The following RGS3 variants were observed in gnomAD, a reference collection of about 807,000 sequenced individuals.
RGS3 encodes regulator of G-protein signalling 3.
RGS3 carries 80 observed loss-of-function variants against 132.6 expected under a neutral mutation model. The observed-to-expected ratio is 0.60, with a 90% confidence interval of 0.50 to 0.73. The LOEUF is 0.73. Ranked by LOEUF, RGS3 falls within the 30% of genes least tolerant of loss-of-function variation. The probability of loss-of-function intolerance (pLI) is 0.00; values close to 1 mark genes in which losing one functional copy is unlikely to be tolerated. For missense variants in RGS3, 1,382 were observed against 1,530.8 expected, an observed-to-expected ratio of 0.90 and a Z score of 1.62; for synonymous variants, 598 against 620.6, an observed-to-expected ratio of 0.96 and a Z score of 0.54.
chr9:113,554,608 C>T (rs998089323), intron 19 of RGS3, among the ~76,000 whole-genome samples: 12 of 152,196 alleles, frequency 7.9e-5, no homozygotes, highest in Non-Finnish European at 1.3e-4. Flanking sequence ...CGTCCAGCCT[C>T]ATTTTATGTT....
At chr9:113,547,541 G>A (rs778636643) in intron 19 of RGS3, among the ~76,000 whole-genome samples, 16 of 152,120 alleles carry the variant, frequency 1.1e-4, no homozygotes, top group South Asian at 2.1e-4. Flanking sequence ...TCAACTTCAC[G>A]TGTATATAGG....
intron 15 of RGS3, among the ~76,000 whole-genome samples, chr9:113,515,812 C>G (rs1347847612): frequency 6.6e-6 from 1 of 152,236 alleles, no homozygotes; most frequent in Non-Finnish European, 1.5e-5. Context: ...ACCTTTCCCA[C>G]ACCACTAAAT....
In RGS3 at chr9:113,498,016, A is replaced by G. The variant is rs1397616167; in HGVS notation, c.842-9A>G. Reference sequence around the variant, plus strand: ...AGAAGTTTTCTGATTCTGCTCTGTCACCTTCCAGACCCGCTGCTGAGAATG... The same window carrying G: ...AGAAGTTTTCTGATTCTGCTCTGTCGCCTTCCAGACCCGCTGCTGAGAATG... On this transcript the variant is annotated splice_polypyrimidine_tract_variant and intron_variant, in intron 9 of 24. Transcript: ENST00000350696. 1 of 1,613,486 alleles carries G rather than the reference A, an allele frequency of 6.2e-7. No homozygotes were observed. The highest frequency in any genetic ancestry group is 1.7e-5 in the Admixed American group (1 of 59,974).
intron 20 of RGS3, among the ~76,000 whole-genome samples, chr9:113,589,643 G>A (rs901665366): frequency 2.6e-5 from 4 of 152,328 alleles, no homozygotes; most frequent in African/African-American, 9.6e-5. Context: ...CCCACGGGTG[G>A]GGGCCTTGGG....
At chr9:113,446,564 C>A (rs2119132751) in intron 1 of RGS3, among the ~76,000 whole-genome samples, 1 of 152,314 alleles carries the variant, frequency 6.6e-6, no homozygotes, top group South Asian at 2.1e-4. Flanking sequence ...TGAAGAAAAA[C>A]ACATTCCATC....
exon 25 of RGS3, chr9:113,597,049 C>T: frequency 1.8e-6 from 2 of 1,087,526 alleles, no homozygotes; most frequent in South Asian, 1.5e-5. Context: ...GCAAGCAAGC[C>T]CCCAGAGGCT....
chr9:113,451,353 G>A (rs1829240870), intron 1 of RGS3, among the ~76,000 whole-genome samples: 1 of 152,136 alleles, frequency 6.6e-6, no homozygotes, highest in South Asian at 2.1e-4. Context: ...ATCCCTGGAT[G>A]CCATGACCTT....
chr9:113,590,017 T>TG (rs1209014114), intron 20 of RGS3: 2 of 152,136 alleles, frequency 1.3e-5, no homozygotes, highest in African/African-American at 4.8e-5. Context: ...ACAACTCTGG[T>TG]GGGGCAGCAT....
intron 14 of RGS3, 43 bp downstream of exon 12, chr9:113,508,623 C>A: frequency 2.5e-6 from 4 of 1,602,462 alleles, no homozygotes; most frequent in East Asian, 4.5e-5. Context: ...CTCAGAGAGG[C>A]AGCAGGGGTC....
intron 24 of RGS3, 144 bp downstream of exon 22, chr9:113,595,909 C>A: frequency 2.3e-6 from 2 of 886,784 alleles, no homozygotes; most frequent in Non-Finnish European, 3.4e-6. Context: ...AAGATGCAAG[C>A]TAGGATCAGG....
intron 19 of RGS3, among the ~76,000 whole-genome samples, chr9:113,551,193 T>C (rs1833323845): frequency 6.6e-6 from 1 of 152,232 alleles, no homozygotes; most frequent in Non-Finnish European, 1.5e-5. Context: ...TTTGCCTATA[T>C]TGGACATTTC....
chr9:113,457,841 A>G (rs370105652), upstream of RGS3, among the ~76,000 whole-genome samples: 16 of 152,128 alleles, frequency 1.1e-4, no homozygotes, highest in African/African-American at 3.9e-4. Flanking sequence ...GGCAATTTCT[A>G]TAAGACCTTC....
chr9:113,497,064 C>A (rs1032703926), intron 8 of RGS3, among the ~76,000 whole-genome samples: 11 of 152,110 alleles, frequency 7.2e-5, no homozygotes, highest in African/African-American at 2.7e-4. Flanking sequence ...GGGAGACAGG[C>A]AAGTAGATGG....
intron 3 of RGS3, among the ~76,000 whole-genome samples, chr9:113,468,193 AT>A (rs1487888869): frequency 2.0e-5 from 3 of 152,292 alleles, no homozygotes; most frequent in Non-Finnish European, 4.4e-5. Flanking sequence ...TGGCTCTTAT[AT>A]TTAGGTCTTT....
Position 113,565,331 on chromosome 9 carries a change from C to A in RGS3, c.2038-18119C>A. ...AATGGAAGAAAGAAATCCAGCCTCT[C>A]TCCAGAGTGGCGGTGGCCGGCTAGA... On this transcript the variant is annotated intron_variant, in intron 19 of 24. Transcript: ENST00000350696. The surrounding 1 kb of genome is among the most constrained non-coding windows in gnomAD (Gnocchi z 5.7). The A allele has an allele frequency of 7.8e-7, 1 of 1,289,770 alleles. No individual in the cohort carries two copies. The highest frequency in any genetic ancestry group is 2.1e-4 in the Middle Eastern group (1 of 4,698). 79.9% of individuals were successfully genotyped at this position (1,289,770 alleles called of 1,614,324 possible). A position where few individuals can be genotyped will look rare whatever the true frequency, so the allele number is the denominator to read the frequency against.
chr9:113,532,037 T>C (rs772691449), intron 18 of RGS3, among the ~76,000 whole-genome samples: 4 of 152,338 alleles, frequency 2.6e-5, no homozygotes, highest in Non-Finnish European at 5.9e-5. Flanking sequence ...CATGTTTAAA[T>C]GCACAGGTCT....
intron 6 of RGS3, 83 bp from the exon 5 acceptor site, chr9:113,485,542 G>A: frequency 9.7e-7 from 1 of 1,031,948 alleles, no homozygotes; most frequent in Non-Finnish European, 1.5e-6. Flanking sequence ...CCACATTTTT[G>A]GAATTATGAC....
rs1259062192 is a variant in RGS3, at chr9:113,586,807, CCA to C, written c.3015+2383_3015+2384del. On this transcript the variant is annotated intron_variant, in intron 20 of 24. Transcript: ENST00000350696. ...GGGCAAGTCCCTGCCCCTCTGTGAGCCACAGTTTCCTCCTTGGTGAAATGGGT... is the reference window on the plus strand; with the variant it reads ...GGGCAAGTCCCTGCCCCTCTGTGAGCCAGTTTCCTCCTTGGTGAAATGGGT... Among the ~76,000 whole-genome samples the C allele has an allele frequency of 2.6e-5, 4 of 152,354 alleles. No homozygotes were observed. The East Asian group carries it at 7.7e-4, about 29-fold the overall frequency.
chr9:113,550,558 C>T (rs1032707827), intron 19 of RGS3, among the ~76,000 whole-genome samples: 1 of 152,162 alleles, frequency 6.6e-6, no homozygotes, highest in African/African-American at 2.4e-5. Flanking sequence ...CCTACTTTGC[C>T]TGGGACTTTT....
Sources: allele counts gnomAD v4.1 joint callset (sites outside exome capture counted in the v4.1 genomes callset), GRCh38; gene constraint gnomAD v4.1.1; non-coding constraint Gnocchi (gnomAD v3.1); transcripts MANE v1.5; gene names NCBI Gene and HGNC (gene_info 2026-07-23, HGNC 2026-07-21).